The following DAB1 variants were observed in gnomAD, a reference collection of about 807,000 sequenced individuals.
The protein encoded by DAB1 is disabled homolog 1.
DAB1 carries 15 observed loss-of-function variants against 64.6 expected under a neutral mutation model. The ratio of observed to expected loss-of-function variants is 0.23; its 90% confidence interval spans 0.16 to 0.36. DAB1 has a LOEUF of 0.36. Among genes scored for constraint, DAB1 ranks in the 10% least tolerant of loss-of-function variants. DAB1 has a pLI of 1.00. For missense variants in DAB1, 596 were observed against 706.7 expected (o/e 0.84, Z 1.78); for synonymous variants, 235 against 251.9 (o/e 0.93, Z 0.64).
chr1:57,537,599 C>T (rs761375380), intron 7 of DAB1, among the ~76,000 whole-genome samples: 1 of 151,972 alleles, frequency 6.6e-6, no homozygotes, highest in African/African-American at 2.4e-5. Flanking sequence ...TTCTTAAGTG[C>T]AGCCTGGGAT....
intron 3 of DAB1, among the ~76,000 whole-genome samples, chr1:58,499,549 G>C (rs1306806759): frequency 7.0e-6 from 1 of 143,680 alleles, no homozygotes; most frequent in Middle Eastern, 3.6e-3. Context: ...TAAACTTTCA[G>C]TCAGGAAAAG....
intron 14 of DAB1, among the ~76,000 whole-genome samples, chr1:57,009,664 C>T (rs941147252): frequency 1.3e-5 from 2 of 152,090 alleles, no homozygotes; most frequent in Non-Finnish European, 1.5e-5. Context: ...TTGGGAATGG[C>T]CTTGCAGTCC....
chr1:57,230,623 A>AT (rs1667604925), intron 2 of DAB1, among the ~76,000 whole-genome samples: 1 of 151,842 alleles, frequency 6.6e-6, no homozygotes, highest in Non-Finnish European at 1.5e-5. Flanking sequence ...TTTTCTTTGT[A>AT]TTTTTTATTG....
At chr1:58,311,681 C>T (rs769467974) in intron 4 of DAB1, among the ~76,000 whole-genome samples, 9 of 152,096 alleles carry the variant, frequency 5.9e-5, no homozygotes, top group Non-Finnish European at 1.3e-4. Flanking sequence ...CCCTTTCTTC[C>T]TCTTCTCCTT....
In DAB1 at chr1:57,796,466, C is replaced by T. The variant is rs557799663; in HGVS notation, n.551+87533G>A. Among the ~76,000 whole-genome samples the T allele has an allele frequency of 5.1e-3, 782 of 151,984 alleles. 5 individuals are homozygous for T. The highest frequency in any genetic ancestry group is 9.2e-3 in the Non-Finnish European group (627 of 67,962). Reference sequence around the variant, plus strand: ...GGCATGAACCCGGGAGGTGGAGCTTCCAGCGAGCTGAGATCGTGCCGCTGC... The same window carrying T: ...GGCATGAACCCGGGAGGTGGAGCTTTCAGCGAGCTGAGATCGTGCCGCTGC... On this transcript the variant is annotated intron_variant and non_coding_transcript_variant, in intron 6 of 20. Coordinates refer to the DAB1 transcript ENST00000485760.
intron 6 of DAB1, among the ~76,000 whole-genome samples, chr1:57,816,487 A>G (rs1334248319): frequency 6.6e-6 from 1 of 152,238 alleles, no homozygotes; most frequent in Non-Finnish European, 1.5e-5. Flanking sequence ...TTTCAAACAC[A>G]GTCCAGTCAA....
chr1:57,520,157 C>T (rs938792826), intron 7 of DAB1, among the ~76,000 whole-genome samples: 2 of 152,184 alleles, frequency 1.3e-5, no homozygotes, highest in Non-Finnish European at 2.9e-5. Flanking sequence ...AGTTCAACAT[C>T]AAAAATATAT....
At chr1:58,176,972 G>T (rs1279347397) in intron 4 of DAB1, among the ~76,000 whole-genome samples, 2 of 146,482 alleles carry the variant, frequency 1.4e-5, no homozygotes, top group African/African-American at 5.1e-5. Context: ...GAGAGAGACT[G>T]TCTCAATAAA....
At chr1:57,614,863 TCTTTC>T (rs1347247763) in intron 7 of DAB1, among the ~76,000 whole-genome samples, 5 of 132,910 alleles carry the variant, frequency 3.8e-5, no homozygotes, top group Non-Finnish European at 4.7e-5. Context: ...TTTCTTTCTT[TCTTTC>T]TTTTTTTTTT....
At chr1:57,301,464 T>A (rs1319942122) in intron 1 of DAB1, among the ~76,000 whole-genome samples, 3 of 152,194 alleles carry the variant, frequency 2.0e-5, no homozygotes, top group East Asian at 3.8e-4. Context: ...CTGAACGCCC[T>A]GTACTCATCC....
At chr1:57,707,275 T>C (rs948756462) in intron 6 of DAB1, among the ~76,000 whole-genome samples, 2 of 152,146 alleles carry the variant, frequency 1.3e-5, no homozygotes, top group East Asian at 1.9e-4. Flanking sequence ...ATGTGACCTT[T>C]AGGTATTAGA....
intron 5 of DAB1, among the ~76,000 whole-genome samples, chr1:57,943,723 C>T (rs1271126649): frequency 6.6e-6 from 1 of 152,148 alleles, no homozygotes; most frequent in Non-Finnish European, 1.5e-5. Context: ...ATTCTTTAGA[C>T]ATGAGAAAGC....
intron 5 of DAB1, among the ~76,000 whole-genome samples, chr1:58,111,565 G>A (rs924054027): frequency 1.3e-5 from 2 of 152,284 alleles, no homozygotes; most frequent in East Asian, 1.9e-4. Context: ...AGCACATGGT[G>A]TTTACTTGGA....
intron 6 of DAB1, among the ~76,000 whole-genome samples, chr1:57,698,716 A>G (rs2101727235): frequency 6.6e-6 from 1 of 152,320 alleles, no homozygotes; most frequent in African/African-American, 2.4e-5. Context: ...TGGCTCCCTC[A>G]GCATAGTATA....
intron 4 of DAB1, among the ~76,000 whole-genome samples, chr1:57,089,668 G>A (rs1418348343): frequency 2.0e-5 from 3 of 152,118 alleles, no homozygotes; most frequent in East Asian, 3.8e-4. Flanking sequence ...TGCGGGATCC[G>A]TCCCCGTGAC....
At chr1:57,212,983 C>T (rs111385883) in intron 2 of DAB1, among the ~76,000 whole-genome samples, 10 of 152,162 alleles carry the variant, frequency 6.6e-5, no homozygotes, top group South Asian at 6.2e-4. Context: ...TGCACAGAGG[C>T]GTGCTATGGT....
At chr1:57,642,506 G>C (rs1646142099) in intron 7 of DAB1, among the ~76,000 whole-genome samples, 1 of 152,116 alleles carries the variant, frequency 6.6e-6, no homozygotes, top group Admixed American at 6.5e-5. Flanking sequence ...CAGCCTTCTT[G>C]ATCTGAGCTT....
At chr1:58,035,563 T>C (rs370763154) in intron 5 of DAB1, among the ~76,000 whole-genome samples, 1 of 152,272 alleles carries the variant, frequency 6.6e-6, no homozygotes, top group East Asian at 1.9e-4. Context: ...TTATACAATG[T>C]CACACAAATA....
At chr1:57,051,460 T>C (rs772733679) in intron 9 of DAB1, among the ~76,000 whole-genome samples, 10 of 152,160 alleles carry the variant, frequency 6.6e-5, no homozygotes, top group Non-Finnish European at 7.4e-5. Context: ...GGGGGGGAAG[T>C]AGGGAACAGT....
Sources: gnomAD v4.1 joint callset for allele counts (sites outside exome capture counted in the v4.1 genomes callset) on GRCh38, gnomAD v4.1.1 for gene constraint, MANE v1.5 for transcripts, NCBI Gene and HGNC (gene_info 2026-07-23, HGNC 2026-07-21) for gene names.